Variants in CDKL5 observed in about 807,000 individuals in gnomAD.
CDKL5 encodes the protein cyclin-dependent kinase-like 5.
In CDKL5, 8 loss-of-function variants were observed where a neutral mutation model predicts 61.7. The observed-to-expected ratio is 0.13, with a 90% confidence interval of 0.08 to 0.23. CDKL5 has a LOEUF of 0.23. CDKL5 is among the 10% of genes least tolerant of loss of function. The probability of loss-of-function intolerance (pLI) is 1.00; values close to 1 mark genes in which losing one functional copy is unlikely to be tolerated. For missense variants in CDKL5, 440 were observed against 734.5 expected, an observed-to-expected ratio of 0.60 and a Z score of 4.63; for synonymous variants, 275 against 272.3, an observed-to-expected ratio of 1.01 and a Z score of -0.10.
At chrX:18,495,078 C>T (rs913036965) in intron 1 of CDKL5, among the ~76,000 whole-genome samples, 16 of 112,265 alleles carry the variant, frequency 1.4e-4, no homozygotes, top group African/African-American at 5.2e-4. Flanking sequence ...TTTTAAGATG[C>T]TTTCCAACCA....
chrX:18,555,196 T>C (rs1201569394), intron 3 of CDKL5, among the ~76,000 whole-genome samples: 5 of 110,838 alleles, frequency 4.5e-5, no homozygotes, highest in Admixed American at 9.6e-5. Flanking sequence ...TGGTCTCTAC[T>C]CACTCGATCC....
At chrX:18,601,078 A>G (rs552281280) in intron 11 of CDKL5, among the ~76,000 whole-genome samples, 1 of 111,912 alleles carries the variant, frequency 8.9e-6, no homozygotes, top group South Asian at 3.8e-4. Context: ...TCACAGCACC[A>G]TATCACATTG....
At chrX:18,458,859 G>A (rs954628061) in intron 1 of CDKL5, among the ~76,000 whole-genome samples, 1 of 112,637 alleles carries the variant, frequency 8.9e-6, no homozygotes, top group Non-Finnish European at 1.9e-5. Flanking sequence ...ATTGCAGAGT[G>A]TTCTGTTAGG....
chrX:18,449,832 G>A (rs1602197325), intron 1 of CDKL5, among the ~76,000 whole-genome samples: 1 of 101,285 alleles, frequency 9.9e-6, no homozygotes, highest in Middle Eastern at 5.6e-3. Flanking sequence ...GGCTCACTCT[G>A]TCTCCAGGCT....
Position 18,634,469 on chromosome X carries a change from A to C in CDKL5, c.*5712A>C. On this transcript the variant is annotated 3_prime_UTR_variant, in exon 18 of 18. Coordinates refer to ENST00000623535, the MANE Select transcript of CDKL5 (RefSeq NM_001323289.2). Reference sequence around the variant, plus strand: ...AAAAGCTCCGGTTCAAACTCTGTAGAGTTTCATGGAAAAACAAAACAAAAC... The same window carrying C: ...AAAAGCTCCGGTTCAAACTCTGTAGCGTTTCATGGAAAAACAAAACAAAAC... 2.7e-6 allele frequency: 2 copies of C among 754,276 alleles called. No homozygotes were observed. The highest frequency in any genetic ancestry group is 3.1e-6 in the Non-Finnish European group (2 of 639,268). 62.2% of individuals were successfully genotyped at this position (754,276 alleles called of 1,213,427 possible).
chrX:18,647,262 G>C (rs1927820159), intron 20 of CDKL5: 1 of 1,209,561 alleles, frequency 8.3e-7, no homozygotes, highest in East Asian at 3.0e-5. Context: ...ACTGCTCCGG[G>C]TTAGAGCAGG....
At position 18,631,588 on chromosome X, in the gene CDKL5, G is replaced by A. The variant is rs764772767; in HGVS notation, c.*2831G>A. On this transcript the variant is annotated 3_prime_UTR_variant, in exon 18 of 18. Transcript: ENST00000623535. Reference sequence around the variant, plus strand: ...AAATTTGCCTTTTCTTTAGGAAGGGGAATTCATGACATCCATGTCCTATTA... The same window carrying A: ...AAATTTGCCTTTTCTTTAGGAAGGGAAATTCATGACATCCATGTCCTATTA... 75 of 752,777 alleles carry A rather than the reference G, an allele frequency of 1.0e-4. No individual in the cohort carries two copies. The African/African-American group carries it at 1.6e-3, about 16-fold the overall frequency. 62.0% of individuals were successfully genotyped at this position (752,777 alleles called of 1,213,427 possible).
intron 1 of CDKL5, among the ~76,000 whole-genome samples, chrX:18,506,347 C>T (rs868417659): frequency 8.9e-6 from 1 of 111,982 alleles, no homozygotes; most frequent in African/African-American, 3.2e-5. Flanking sequence ...TCTCAGCAGA[C>T]AGAGCTAGGA....
At chrX:18,529,808 T>C (rs1021106922) in intron 3 of CDKL5, among the ~76,000 whole-genome samples, 2 of 111,054 alleles carry the variant, frequency 1.8e-5, no homozygotes, top group African/African-American at 6.5e-5. Flanking sequence ...TTGTGTAGTT[T>C]GAATATGATG....
chrX:18,504,122 T>C (rs1286349399), intron 1 of CDKL5, among the ~76,000 whole-genome samples: 1 of 110,035 alleles, frequency 9.1e-6, no homozygotes, highest in Non-Finnish European at 1.9e-5. Flanking sequence ...GTTTGTTTGG[T>C]GGAGACAGGG....
intron 1 of CDKL5, among the ~76,000 whole-genome samples, chrX:18,487,501 G>A (rs1273556967): frequency 8.9e-6 from 1 of 112,832 alleles, no homozygotes; most frequent in Non-Finnish European, 1.9e-5. Flanking sequence ...GCCTCGCTGT[G>A]TTGCCCAGGC....
At chrX:18,430,500 A>G (rs1276591691) in intron 1 of CDKL5, among the ~76,000 whole-genome samples, 6 of 110,706 alleles carry the variant, frequency 5.4e-5, no homozygotes, top group African/African-American at 1.6e-4. Context: ...CTGGAGTGCA[A>G]TGGCGTGATC....
At chrX:18,509,245 A>ACACACCCC (rs796171313) in intron 2 of CDKL5, among the ~76,000 whole-genome samples, 1 of 95,349 alleles carries the variant, frequency 1.0e-5, no homozygotes, top group Admixed American at 1.3e-4. Flanking sequence ...ACACACACAC[A>ACACACCCC]CCCCTGTCAA....
intron 1 of CDKL5, among the ~76,000 whole-genome samples, chrX:18,468,477 G>A (rs890395463): frequency 7.1e-5 from 8 of 112,110 alleles, no homozygotes; most frequent in African/African-American, 2.6e-4. Context: ...GGAAATATGA[G>A]TTCTATACCA....
chrX:18,643,121 G>A (rs906271127), downstream of CDKL5, among the ~76,000 whole-genome samples: 5 of 110,940 alleles, frequency 4.5e-5, no homozygotes, highest in Non-Finnish European at 9.5e-5. Flanking sequence ...AAAGAGAAAG[G>A]GGGTTTGCTT....
At chrX:18,455,809 G>T (rs181453552) in intron 1 of CDKL5, among the ~76,000 whole-genome samples, 3 of 112,361 alleles carry the variant, frequency 2.7e-5, no homozygotes, top group East Asian at 2.8e-4. Context: ...GCCTTTTCCT[G>T]TCCAAGATTT....
intron 1 of CDKL5, among the ~76,000 whole-genome samples, chrX:18,474,509 A>T (rs1569190606): frequency 8.9e-6 from 1 of 112,230 alleles, no homozygotes; most frequent in Non-Finnish European, 1.9e-5. Flanking sequence ...TGTTCTCCTT[A>T]AAACCTTCAA....
At chrX:18,598,745 C>A in intron 11 of CDKL5, 132 bp downstream of exon 11, 1 of 624,178 alleles carries the variant, frequency 1.6e-6, no homozygotes, top group Non-Finnish European at 2.6e-6. Context: ...CTTCCTTATG[C>A]TTATTGCATG....
At chrX:18,612,952 G>A (rs757501592) in intron 14 of CDKL5, among the ~76,000 whole-genome samples, 200 bp from the exon 15 acceptor site, 6 of 109,512 alleles carry the variant, frequency 5.5e-5, no homozygotes, top group African/African-American at 2.0e-4. Flanking sequence ...AACATCAGCC[G>A]TCTGTGGTGG....
Sources: allele counts gnomAD v4.1 joint callset (sites outside exome capture counted in the v4.1 genomes callset), GRCh38; gene constraint gnomAD v4.1.1; transcripts MANE v1.5; gene names NCBI Gene and HGNC (gene_info 2026-07-23, HGNC 2026-07-21).